The following CSMD3 variants were observed in gnomAD, a reference collection of about 807,000 sequenced individuals.
CSMD3 encodes the protein CUB and Sushi multiple domains 3.
Under a neutral mutation model 435.2 loss-of-function variants are expected in CSMD3, and 177 were observed. The observed-to-expected ratio is 0.41, with a 90% CI of 0.36 to 0.46. CSMD3 has a LOEUF of 0.46. Among genes scored for constraint, CSMD3 ranks in the 20% least tolerant of loss-of-function variants. CSMD3 has a pLI of 0.34. For missense variants in CSMD3, 4,265 were observed against 4,504.6 expected, an observed-to-expected ratio of 0.95 and a Z score of 1.52; for synonymous variants, 1,656 against 1,520.5, an observed-to-expected ratio of 1.09 and a Z score of -2.07.
intron 12 of CSMD3, among the ~76,000 whole-genome samples, chr8:112,816,175 C>T (rs1036250180): frequency 6.6e-6 from 1 of 151,926 alleles, no homozygotes; most frequent in Non-Finnish European, 1.5e-5. Flanking sequence ...AATATTTTTC[C>T]CTCTTCCTTT....
intron 27 of CSMD3, among the ~76,000 whole-genome samples, chr8:112,545,968 A>G (rs1827146126): frequency 6.6e-6 from 1 of 152,200 alleles, no homozygotes; most frequent in African/African-American, 2.4e-5. Context: ...GAAATAAGTA[A>G]TTCTGTCTAG....
At chr8:112,422,957 T>C (rs1223519097) in intron 32 of CSMD3, among the ~76,000 whole-genome samples, 3 of 152,176 alleles carry the variant, frequency 2.0e-5, no homozygotes, top group Non-Finnish European at 1.5e-5. Context: ...TCAGATGCTA[T>C]ACATATTCCT....
chr8:112,647,549 T>G (rs367917254), intron 19 of CSMD3, among the ~76,000 whole-genome samples: 217 of 152,114 alleles, frequency 1.4e-3, no homozygotes, highest in African/African-American at 5.1e-3. Flanking sequence ...CTCATGATCC[T>G]CCCGCCTCTG....
chr8:112,314,528 A>T lies in CSMD3; in HGVS notation c.7450T>A (p.Cys2484Ser), dbSNP rs1261391094. The change falls in exon 48 of 71, where the codon TGT (cysteine) becomes AGT (serine). Residue 2484 changes from cysteine (C) to serine (S), a missense_variant. By Grantham distance (112) the Cys-to-Ser change is moderately radical. Transcript: ENST00000297405. The part of the protein sequence containing the change: ...YPDSYPNLQM[C>S]AWSISVEKGY... Reference sequence around the variant, plus strand: ...TTTTCCACTGAAATGCTCCATGCACACATTTGAAGATTTGGGTAACTGTCA... The same window carrying T: ...TTTTCCACTGAAATGCTCCATGCACTCATTTGAAGATTTGGGTAACTGTCA... The T allele has an allele frequency of 6.2e-7, 1 of 1,611,628 alleles. No homozygotes were observed. The highest frequency in any genetic ancestry group is 8.5e-7 in the Non-Finnish European group (1 of 1,177,840).
intron 3 of CSMD3, among the ~76,000 whole-genome samples, chr8:113,187,452 A>C (rs2092523661): frequency 6.6e-6 from 1 of 151,974 alleles, no homozygotes; most frequent in African/African-American, 2.4e-5. Context: ...GACAAATATG[A>C]CCACTCTGTT....
Position 113,105,902 on chromosome 8 carries a change from A to T in CSMD3, c.710-6939T>A, listed in dbSNP as rs567392673. On this transcript the variant is annotated intron_variant, in intron 4 of 70. Transcript: ENST00000297405. ...ACAGTTAAAAAAAAAAGTACTAGCC[A>T]TGTCAATAAACATAAAGATGTGACT... 2.6e-5 allele frequency among the ~76,000 whole-genome samples: 4 copies of T among 152,168 alleles called. No individual in the cohort carries two copies. In the East Asian group the frequency reaches 7.7e-4, roughly 29 times the overall value.
intron 3 of CSMD3, among the ~76,000 whole-genome samples, chr8:113,191,923 A>G (rs1159032791): frequency 6.6e-6 from 1 of 151,570 alleles, no homozygotes; most frequent in Non-Finnish European, 1.5e-5. Context: ...TTATTTCTTG[A>G]CTTTTTAATA....
At chr8:112,705,623 C>T (rs551550363) in intron 13 of CSMD3, among the ~76,000 whole-genome samples, 3 of 151,936 alleles carry the variant, frequency 2.0e-5, no homozygotes, top group Non-Finnish European at 4.4e-5. Flanking sequence ...AGAAATTTTT[C>T]CTCCCCTGCA....
rs142210169 is a variant in CSMD3, at chr8:113,106,056, C to G, written c.710-7093G>C. On this transcript the variant is annotated intron_variant, in intron 4 of 70. Coordinates refer to ENST00000297405, the MANE Select transcript of CSMD3 (RefSeq NM_198123.2). ...AAACAAGGGTTAGCACACTATACCC[C>G]AGACTAAATCTGGCTTATAGACTTT... 2.2e-3 allele frequency among the ~76,000 whole-genome samples: 341 copies of G among 151,926 alleles called. 2 individuals carry two copies. Among genetic ancestry groups the G allele is most frequent in the African/African-American group, 8.2e-3 (339 of 41,486 alleles).
chr8:112,434,493 T>C, intron 32 of CSMD3, among the ~76,000 whole-genome samples: 1 of 152,156 alleles, frequency 6.6e-6, no homozygotes, highest in East Asian at 1.9e-4. Flanking sequence ...CTTTATGAAC[T>C]CTTCAGTACT....
chr8:113,085,684 T>C (rs1204068828), intron 5 of CSMD3, among the ~76,000 whole-genome samples: 2 of 152,144 alleles, frequency 1.3e-5, no homozygotes, highest in Non-Finnish European at 2.9e-5. Context: ...CATGGAAAGT[T>C]AAATACTACA....
intron 5 of CSMD3, among the ~76,000 whole-genome samples, chr8:113,065,071 A>C (rs1268094793): frequency 6.6e-6 from 1 of 152,192 alleles, no homozygotes; most frequent in Non-Finnish European, 1.5e-5. Flanking sequence ...TATAGTTGAC[A>C]ATATTGTTGG....
chr8:112,383,003 C>A (rs534926337), intron 37 of CSMD3, among the ~76,000 whole-genome samples: 3 of 152,086 alleles, frequency 2.0e-5, no homozygotes, highest in East Asian at 3.9e-4. Flanking sequence ...AAAATAAAAA[C>A]CTTAATAAAT....
At chr8:113,173,467 G>A (rs1464489223) in intron 4 of CSMD3, among the ~76,000 whole-genome samples, 1 of 151,886 alleles carries the variant, frequency 6.6e-6, no homozygotes, top group East Asian at 1.9e-4. Flanking sequence ...GACTACAGGC[G>A]TCCACTACCA....
intron 4 of CSMD3, among the ~76,000 whole-genome samples, chr8:113,141,212 A>G (rs1268783308): frequency 3.3e-5 from 5 of 150,932 alleles, no homozygotes; most frequent in African/African-American, 4.8e-5. Context: ...TTCAAGTTTA[A>G]TAAGTACAAA....
intron 35 of CSMD3, among the ~76,000 whole-genome samples, chr8:112,397,034 A>G (rs556290880): frequency 1.3e-5 from 2 of 152,334 alleles, no homozygotes; most frequent in South Asian, 2.1e-4. Context: ...ACACTTTGAT[A>G]TTAACGTAAG....
chr8:112,502,394 C>T (rs1381680567), intron 30 of CSMD3, among the ~76,000 whole-genome samples: 4 of 152,148 alleles, frequency 2.6e-5, no homozygotes, highest in Admixed American at 2.6e-4. Flanking sequence ...GAGAGACTTA[C>T]GGAGGGATCA....
chr8:112,749,123 G>A (rs2077508671), intron 13 of CSMD3, among the ~76,000 whole-genome samples: 2 of 151,934 alleles, frequency 1.3e-5, no homozygotes, highest in African/African-American at 4.8e-5. Context: ...ATGTGTATCG[G>A]CCGTATGTAT....
rs1436685826 is a variant in CSMD3, at chr8:112,255,318, C to T, written c.9972G>A (p.Val3324=). The stretch of plus-strand genomic sequence containing the variant: ...CTTGACATATTCTGGTGCTTGATCC[C>T]ACTAATATGAAAGGAAAATTGCAGC... ...SFSCNFPFIL[V]GSSTRICQAD... The change falls in exon 62 of 71, where the codon GTG becomes GTA. Residue 3324 remains valine, a synonymous_variant. Coordinates refer to ENST00000297405, the MANE Select transcript of CSMD3 (RefSeq NM_198123.2). 13 of 1,613,534 alleles carry T rather than the reference C, an allele frequency of 8.1e-6. No individual in the cohort carries two copies. Among genetic ancestry groups the T allele is most frequent in the Non-Finnish European group, 1.1e-5 (13 of 1,179,704 alleles).
Sources: gnomAD v4.1 joint callset for allele counts (sites outside exome capture counted in the v4.1 genomes callset) on GRCh38, gnomAD v4.1.1 for gene constraint, MANE v1.5 for transcripts, NCBI Gene and HGNC (gene_info 2026-07-23, HGNC 2026-07-21) for gene names.